Variants in THEMIS observed in about 807,000 individuals in gnomAD.
THEMIS encodes thymocyte selection associated.
A neutral mutation model predicts 52.6 loss-of-function variants in THEMIS; 37 were observed. That is an observed-to-expected ratio of 0.70 (90% CI 0.54 to 0.93). The LOEUF (loss-of-function observed/expected upper bound fraction) is 0.93, where lower values mean the gene tolerates loss of function less well. THEMIS is among the 40% of genes least tolerant of loss of function. The pLI is 0.00. For synonymous variants in THEMIS, 292 were observed against 272.7 expected (o/e 1.07, Z -0.70); for missense variants, 808 against 763.1 (o/e 1.06, Z -0.69).
chr6:127,861,145 G>A (rs1408834664), intron 1 of THEMIS, among the ~76,000 whole-genome samples: 1 of 152,068 alleles, frequency 6.6e-6, no homozygotes, highest in Non-Finnish European at 1.5e-5. Context: ...ATAATTTCAT[G>A]TATAAACAAT....
upstream of THEMIS, among the ~76,000 whole-genome samples, chr6:127,904,431 G>A (rs1044827582): frequency 3.3e-5 from 5 of 151,998 alleles, no homozygotes; most frequent in African/African-American, 1.2e-4. Context: ...CTAAGAGAAA[G>A]GGTTGCCTAT....
At chr6:127,917,450 C>T (rs1781550479) in intron 1 of THEMIS, among the ~76,000 whole-genome samples, 1 of 152,192 alleles carries the variant, frequency 6.6e-6, no homozygotes, top group Admixed American at 6.5e-5. Context: ...GGAACCGGGG[C>T]AGTAGAATCT....
the THEMIS span, among the ~76,000 whole-genome samples, chr6:127,701,969 A>C: frequency 6.6e-6 from 1 of 152,062 alleles, no homozygotes; most frequent in African/African-American, 2.4e-5. Flanking sequence ...TATTGTAAAT[A>C]TCTTCCAGTC....
At chr6:127,700,697 A>T in the THEMIS span, among the ~76,000 whole-genome samples, 1 of 152,078 alleles carries the variant, frequency 6.6e-6, no homozygotes, top group Non-Finnish European at 1.5e-5. Context: ...GTGCCTAACA[A>T]CATTATATCT....
At chr6:127,743,832 T>C (rs1775290549) in intron 4 of THEMIS, among the ~76,000 whole-genome samples, 5 of 152,080 alleles carry the variant, frequency 3.3e-5, no homozygotes, top group Admixed American at 3.3e-4. Flanking sequence ...AGCAAGTCTG[T>C]TTTTCTAGTC....
At chr6:127,890,613 G>A (rs1000393427) in intron 1 of THEMIS, among the ~76,000 whole-genome samples, 1 of 152,004 alleles carries the variant, frequency 6.6e-6, no homozygotes, top group Non-Finnish European at 1.5e-5. Context: ...ACAAAGAAAT[G>A]ATCAATGTTT....
chr6:127,769,878 T>C (rs1275118653), intron 4 of THEMIS, among the ~76,000 whole-genome samples: 2 of 152,170 alleles, frequency 1.3e-5, no homozygotes, highest in African/African-American at 4.8e-5. Flanking sequence ...TGGTGTTTGG[T>C]TTCCTGTCCT....
At chr6:127,765,046 A>C (rs1776149759) in intron 4 of THEMIS, among the ~76,000 whole-genome samples, 1 of 152,040 alleles carries the variant, frequency 6.6e-6, no homozygotes, top group African/African-American at 2.4e-5. Context: ...ACCCGTTGAG[A>C]CTTTCAAGAA....
intron 4 of THEMIS, among the ~76,000 whole-genome samples, chr6:127,759,560 C>A (rs1224482415): frequency 1.3e-5 from 2 of 152,138 alleles, no homozygotes; most frequent in South Asian, 2.1e-4. Context: ...CCCAGCTGCA[C>A]ATGTTAATAA....
At position 127,708,844 on chromosome 6, in the gene THEMIS, A is replaced by ACTT. The variant is rs1411594619; in HGVS notation, c.*1138_*1140dup. 6.6e-6 allele frequency: 1 copy of ACTT among 152,028 alleles called. No homozygotes were observed. The highest frequency in any genetic ancestry group is 1.5e-5 in the Non-Finnish European group (1 of 67,950). 9.4% of individuals were successfully genotyped at this position (152,028 alleles called of 1,614,324 possible). ...CTCACAATTTATTGTCTTCAGAAACACTTTGGTACAAAATCAACAAATTTC... is the reference window on the plus strand; with the variant it reads ...CTCACAATTTATTGTCTTCAGAAACACTTCTTTGGTACAAAATCAACAAATTTC... On this transcript the variant is annotated 3_prime_UTR_variant, in exon 6 of 6. Transcript: ENST00000368248.
At chr6:127,792,020 A>G (rs1421605841) in intron 4 of THEMIS, among the ~76,000 whole-genome samples, 1 of 152,146 alleles carries the variant, frequency 6.6e-6, no homozygotes, top group Non-Finnish European at 1.5e-5. Context: ...CTGCTCTGCC[A>G]CAGCTGCCCC....
rs114648079 is a variant in THEMIS at position 127,829,951 on chromosome 6, G to A, written c.251-17C>T. On this transcript the variant is annotated splice_polypyrimidine_tract_variant and intron_variant, in intron 2 of 5. Transcript: ENST00000368248. ...TAAAAAGACCTAAGAACAGAATTAC[G>A]TGAATTAAAAAGAGAGTTCTTACAA... 822 of 1,561,318 alleles carry A rather than the reference G, an allele frequency of 5.3e-4. 5 individuals carry two copies. The African/African-American group carries it at 0.01, about 19-fold the overall frequency.
chr6:127,705,741 A>G (rs147581254), downstream of THEMIS, among the ~76,000 whole-genome samples: 265 of 152,328 alleles, frequency 1.7e-3, 2 homozygotes, highest in African/African-American at 6.1e-3. Context: ...ATTTGTCACA[A>G]GGGAGATGCA....
chr6:127,854,811 A>G (rs1225024277), intron 2 of THEMIS, among the ~76,000 whole-genome samples: 1 of 151,878 alleles, frequency 6.6e-6, no homozygotes, highest in Non-Finnish European at 1.5e-5. Context: ...AAAGAGATTA[A>G]TTCTTAAGTA....
At chr6:127,804,083 T>C (rs1385670521) in intron 4 of THEMIS, among the ~76,000 whole-genome samples, 1 of 152,004 alleles carries the variant, frequency 6.6e-6, no homozygotes, top group Non-Finnish European at 1.5e-5. Context: ...TGTGTGTGGA[T>C]AGGAATTTTA....
chr6:127,808,301 T>C (rs1350586237), intron 4 of THEMIS, among the ~76,000 whole-genome samples: 1 of 152,166 alleles, frequency 6.6e-6, no homozygotes, highest in Non-Finnish European at 1.5e-5. Context: ...TAGCTATATA[T>C]ATCCACGACA....
chr6:127,767,064 C>T (rs1222653680), intron 4 of THEMIS, among the ~76,000 whole-genome samples: 2 of 151,906 alleles, frequency 1.3e-5, no homozygotes, highest in Non-Finnish European at 2.9e-5. Flanking sequence ...TGCAAATATG[C>T]TGTACAGATG....
At chr6:127,749,978 C>T (rs1775580089) in intron 4 of THEMIS, among the ~76,000 whole-genome samples, 1 of 147,470 alleles carries the variant, frequency 6.8e-6, no homozygotes, top group Non-Finnish European at 1.5e-5. Context: ...CATTCCTAAC[C>T]ACTGCTCATT....
intron 2 of THEMIS, among the ~76,000 whole-genome samples, chr6:127,848,542 C>T (rs936679220): frequency 1.3e-4 from 20 of 152,140 alleles, no homozygotes; most frequent in African/African-American, 4.8e-4. Flanking sequence ...GTCCCACCAA[C>T]AGTGTAAAAG....
Sources: gnomAD v4.1 joint callset for allele counts (sites outside exome capture counted in the v4.1 genomes callset) on GRCh38, gnomAD v4.1.1 for gene constraint, MANE v1.5 for transcripts, NCBI Gene and HGNC (gene_info 2026-07-23, HGNC 2026-07-21) for gene names.